Variants in CACHD1 observed in about 807,000 individuals in gnomAD.
The protein encoded by CACHD1 is cache domain containing 1.
Under a neutral mutation model 138.7 loss-of-function variants are expected in CACHD1, and 71 were observed. The ratio of observed to expected loss-of-function variants is 0.51; its 90% CI spans 0.42 to 0.62. CACHD1 has a LOEUF of 0.62. Ranked by LOEUF, CACHD1 falls within the 20% of genes least tolerant of loss-of-function variation. The probability of loss-of-function intolerance (pLI) is 0.00; values close to 1 mark genes in which losing one functional copy is unlikely to be tolerated. For missense variants in CACHD1, 1,389 were observed against 1,625.3 expected, an observed-to-expected ratio of 0.85 and a Z score of 2.50; for synonymous variants, 578 against 591.5, an observed-to-expected ratio of 0.98 and a Z score of 0.33.
chr1:64,558,647 C>T (rs895079394), intron 2 of CACHD1, among the ~76,000 whole-genome samples: 13 of 151,930 alleles, frequency 8.6e-5, no homozygotes, highest in Admixed American at 1.3e-4. Context: ...AATTGACAAA[C>T]GGGATCTAAT....
At chr1:64,531,731 TG>T (rs1557478926) in intron 1 of CACHD1, among the ~76,000 whole-genome samples, 1 of 152,214 alleles carries the variant, frequency 6.6e-6, no homozygotes, top group Non-Finnish European at 1.5e-5. Flanking sequence ...TGCTCAAACA[TG>T]GAGAAGCGTT....
At chr1:64,640,929 G>A (rs927599262) in intron 7 of CACHD1, among the ~76,000 whole-genome samples, 6 of 151,326 alleles carry the variant, frequency 4.0e-5, no homozygotes, top group African/African-American at 7.3e-5. Context: ...GAAGTTCTAC[G>A]GGACCAAAAT....
chr1:64,616,782 G>A (rs1018499293), intron 4 of CACHD1, among the ~76,000 whole-genome samples: 3 of 152,120 alleles, frequency 2.0e-5, no homozygotes, highest in African/African-American at 7.2e-5. Context: ...AGGAGTACCT[G>A]GGACCAGACC....
At chr1:64,652,685 A>G (rs774546461) in intron 10 of CACHD1, among the ~76,000 whole-genome samples, 1 of 152,192 alleles carries the variant, frequency 6.6e-6, no homozygotes, top group Non-Finnish European at 1.5e-5. Context: ...AATCCAAACC[A>G]CAATGAGATG....
chr1:64,604,950 CTTTTTTTCT>C (rs1647293144), intron 4 of CACHD1, among the ~76,000 whole-genome samples: 1 of 144,912 alleles, frequency 6.9e-6, no homozygotes, highest in African/African-American at 2.6e-5. Flanking sequence ...CTCGCCTAGG[CTTTTTTTCT>C]TTTTTTTCTT....
intron 1 of CACHD1, among the ~76,000 whole-genome samples, chr1:64,489,243 C>A (rs1296536405): frequency 6.6e-6 from 1 of 152,142 alleles, no homozygotes; most frequent in Admixed American, 6.5e-5. Context: ...TTATTTCCGT[C>A]TTATAACTGA....
Position 64,602,884 on chromosome 1 carries a change from C to A in CACHD1, c.489C>A (p.Ala163=). The change falls in exon 4 of 27, where the codon GCC becomes GCA. Residue 163 remains alanine, a synonymous_variant. Transcript: ENST00000651257. ...TTTCTACTACTGTTAATAGCCGGGC[C>A]TTCAATCCAGGACGAGACTTAAATT... ...DRLSTTVNSR[A]FNPGRDLNSV... 6.2e-7 allele frequency: 1 copy of A among 1,613,104 alleles called. No homozygotes were observed. The highest frequency in any genetic ancestry group is 1.1e-5 in the South Asian group (1 of 91,020).
intron 3 of CACHD1, among the ~76,000 whole-genome samples, chr1:64,584,930 A>G (rs577595008): frequency 6.6e-6 from 1 of 152,342 alleles, no homozygotes; most frequent in East Asian, 1.9e-4. Context: ...GAACTATACC[A>G]GATAGGTTGT....
At chr1:64,517,799 T>A (rs1421583341) in intron 1 of CACHD1, among the ~76,000 whole-genome samples, 2 of 152,218 alleles carry the variant, frequency 1.3e-5, no homozygotes, top group Non-Finnish European at 2.9e-5. Flanking sequence ...ACCCGATTAC[T>A]CTTCTTTCTC....
At chr1:64,657,276 A>G (rs923914526) in intron 12 of CACHD1, among the ~76,000 whole-genome samples, 1 of 152,198 alleles carries the variant, frequency 6.6e-6, no homozygotes, top group Non-Finnish European at 1.5e-5. Flanking sequence ...TTTAATGTAG[A>G]GACTATTTTT....
At chr1:64,661,608 G>A (rs939183942) in intron 13 of CACHD1, among the ~76,000 whole-genome samples, 2 of 151,870 alleles carry the variant, frequency 1.3e-5, no homozygotes, top group East Asian at 3.9e-4. Context: ...CTTATTCCTT[G>A]TCACTCCAAT....
intron 12 of CACHD1, among the ~76,000 whole-genome samples, chr1:64,657,131 C>G (rs544421941): frequency 6.6e-6 from 1 of 152,256 alleles, no homozygotes; most frequent in African/African-American, 2.4e-5. Flanking sequence ...GATAGAAGTA[C>G]TGACTATTAG....
intron 8 of CACHD1, among the ~76,000 whole-genome samples, chr1:64,646,329 C>T (rs916364477): frequency 2.6e-5 from 4 of 152,200 alleles, no homozygotes; most frequent in African/African-American, 9.6e-5. Context: ...GCAAAGGGAA[C>T]AGTAATCTGA....
chr1:64,595,426 T>C (rs1027242819), intron 3 of CACHD1, among the ~76,000 whole-genome samples: 8 of 152,014 alleles, frequency 5.3e-5, no homozygotes, highest in African/African-American at 1.9e-4. Flanking sequence ...GGGAGAAGGG[T>C]ATATAAATAA....
chr1:64,627,310 G>A (rs1648140534), intron 4 of CACHD1, among the ~76,000 whole-genome samples: 1 of 152,134 alleles, frequency 6.6e-6, no homozygotes, highest in Non-Finnish European at 1.5e-5. Context: ...AGGAGACTGA[G>A]GCAGGAGGAT....
chr1:64,607,803 C>A (rs954340022), intron 4 of CACHD1, among the ~76,000 whole-genome samples: 10 of 152,098 alleles, frequency 6.6e-5, no homozygotes, highest in African/African-American at 2.4e-4. Flanking sequence ...CTTAGTGATT[C>A]TGTTTTTTCA....
intron 1 of CACHD1, among the ~76,000 whole-genome samples, chr1:64,542,262 A>C (rs1404894656): frequency 6.6e-6 from 1 of 152,156 alleles, no homozygotes. Flanking sequence ...GGTCATGTGT[A>C]CCTGGGCGTA....
intron 1 of CACHD1, among the ~76,000 whole-genome samples, chr1:64,548,096 C>T (rs1646731598): frequency 6.6e-6 from 1 of 152,056 alleles, no homozygotes. Context: ...AAATAGGGAC[C>T]AAAACACAGC....
At chr1:64,572,915 C>T (rs1289779681) in intron 2 of CACHD1, among the ~76,000 whole-genome samples, 1 of 152,230 alleles carries the variant, frequency 6.6e-6, no homozygotes, top group African/African-American at 2.4e-5. Context: ...ACTGGCCCTA[C>T]TGCATCTCCA....
Sources: gnomAD v4.1 joint callset for allele counts (sites outside exome capture counted in the v4.1 genomes callset) on GRCh38, gnomAD v4.1.1 for gene constraint, MANE v1.5 for transcripts, NCBI Gene and HGNC (gene_info 2026-07-23, HGNC 2026-07-21) for gene names.